CCAR2: variants seen among roughly 807,000 people sequenced by gnomAD.
The protein encoded by CCAR2 is cell cycle and apoptosis regulator protein 2.
A neutral mutation model predicts 108.1 loss-of-function variants in CCAR2; 21 were observed. That is an observed-to-expected ratio of 0.19 (90% CI 0.14 to 0.28). The LOEUF (loss-of-function observed/expected upper bound fraction) is 0.28, where lower values mean the gene tolerates loss of function less well. CCAR2 is among the 10% of genes least tolerant of loss of function. CCAR2 has a pLI of 1.00. For synonymous variants in CCAR2, 577 were observed against 472.8 expected (o/e 1.22, Z -2.86); for missense variants, 1,126 against 1,177.0 (o/e 0.96, Z 0.63).
intron 7 of CCAR2, among the ~76,000 whole-genome samples, chr8:22,611,780 ACT>A (rs555978783): frequency 1.5e-3 from 220 of 151,654 alleles, no homozygotes; most frequent in African/African-American, 5.1e-3. Context: ...TTGGTTTTTT[ACT>A]CTCAGTTTAT....
At chr8:22,619,387 G>T (rs1032440119) in intron 20 of CCAR2, 32 bp downstream of exon 20, 1 of 1,545,886 alleles carries the variant, frequency 6.5e-7, no homozygotes, top group African/African-American at 1.4e-5. Context: ...AGGCAGCACA[G>T]CTCCTTTCCC....
intron 11 of CCAR2, 22 bp from the exon 12 acceptor site, chr8:22,615,403 T>C (rs1215444973): frequency 1.2e-6 from 2 of 1,608,700 alleles, no homozygotes; most frequent in Non-Finnish European, 1.7e-6. Flanking sequence ...AAGAAGTTAG[T>C]ACCTCCTTTT....
chr8:22,607,392 G>A (rs988022077), intron 6 of CCAR2, 67 bp downstream of exon 6: 2 of 1,583,132 alleles, frequency 1.3e-6, no homozygotes, highest in Admixed American at 3.4e-5. Flanking sequence ...GGACTTTCAG[G>A]TTGCTGCTCT....
chr8:22,610,793 T>C (rs942965252), intron 7 of CCAR2, among the ~76,000 whole-genome samples: 4 of 152,208 alleles, frequency 2.6e-5, no homozygotes, highest in Non-Finnish European at 5.9e-5. Context: ...TTCTGGTGAA[T>C]ACAATCAACT....
intron 11 of CCAR2, 33 bp from the exon 12 acceptor site, chr8:22,615,392 A>T (rs773870959): frequency 6.2e-7 from 1 of 1,602,430 alleles, no homozygotes; most frequent in African/African-American, 1.3e-5. Context: ...AGTTGTCACT[A>T]AAGAAGTTAG....
At chr8:22,608,515 T>C (rs1585154458) in intron 7 of CCAR2, among the ~76,000 whole-genome samples, 2 of 152,200 alleles carry the variant, frequency 1.3e-5, no homozygotes, top group Admixed American at 6.5e-5. Context: ...AAGGTGTATA[T>C]TGCACTCTGC....
chr8:22,615,396 A>C (rs200124871), intron 11 of CCAR2, 29 bp from the exon 12 acceptor site: 141 of 1,603,528 alleles, frequency 8.8e-5, no homozygotes, highest in Non-Finnish European at 1.2e-4. Flanking sequence ...GTCACTAAAG[A>C]AGTTAGTACC....
At chr8:22,618,176 G>T in intron 16 of CCAR2, 173 bp from the exon 17 acceptor site, 2 of 796,742 alleles carry the variant, frequency 2.5e-6, no homozygotes, top group Non-Finnish European at 2.1e-6. Context: ...CTGCAGCCTC[G>T]AACTCCTGGG....
At chr8:22,620,720 C>A (rs1217559931), downstream of CCAR2, 1 of 152,230 alleles carries the variant, frequency 6.6e-6, no homozygotes, top group Non-Finnish European at 1.5e-5. Context: ...GTGGACGTTT[C>A]ATTGAAAATT....
In CCAR2 at chr8:22,604,818, C is replaced by CT. The variant is rs1268389164; in HGVS notation, c.-63_-62insT. On this transcript the variant is annotated 5_prime_UTR_variant, in exon 1 of 21. Coordinates refer to ENST00000308511, the MANE Select transcript of CCAR2 (RefSeq NM_001393997.1). ...GGTGGTTCCGGGTGTCTTTGTCCCC[C>CT]CGGTGTCGCTGCCCTGGCCCGCAGG... is the stretch of plus-strand genomic sequence containing the variant. 10 of 455,200 alleles carry CT rather than the reference C, an allele frequency of 2.2e-5. No homozygotes were observed. The highest frequency in any genetic ancestry group is 1.8e-4 in the African/African-American group (9 of 50,150). 28.2% of individuals were successfully genotyped at this position (455,200 alleles called of 1,614,324 possible).
Position 22,614,830 on chromosome 8 carries a change from T to A in CCAR2, c.1042-8T>A. 1 of 1,613,916 alleles carries A rather than the reference T, an allele frequency of 6.2e-7. No individual in the cohort carries two copies. The highest frequency in any genetic ancestry group is 2.2e-5 in the East Asian group (1 of 44,880). On this transcript the variant is annotated splice_polypyrimidine_tract_variant and splice_region_variant and intron_variant, in intron 10 of 20. Transcript: ENST00000308511. ...TTTTTGTTTTGTATCCCTGATCTCTTCTTGCAGTTTTTGCTGGGCAGGAAA... is the reference window on the plus strand; with the variant it reads ...TTTTTGTTTTGTATCCCTGATCTCTACTTGCAGTTTTTGCTGGGCAGGAAA...
Position 22,613,009 on chromosome 8 carries a change from A to C in CCAR2, c.585-8A>C. 6.2e-7 allele frequency: 1 copy of C among 1,611,204 alleles called. No homozygotes were observed. Among genetic ancestry groups the C allele is most frequent in the Non-Finnish European group, 8.5e-7 (1 of 1,178,942 alleles). On this transcript the variant is annotated splice_polypyrimidine_tract_variant and splice_region_variant and intron_variant, in intron 7 of 20. Coordinates refer to ENST00000308511, the MANE Select transcript of CCAR2 (RefSeq NM_001393997.1). Reference sequence around the variant, plus strand: ...GTTTCTTACTGTTGGTGATGGGTCAACCTCTAGTGATGACTATGACTCCAA... The same window carrying C: ...GTTTCTTACTGTTGGTGATGGGTCACCCTCTAGTGATGACTATGACTCCAA...
In CCAR2 at chr8:22,618,931, G is replaced by C. The variant is rs1244809890; in HGVS notation, c.2437G>C (p.Gly813Arg). The change falls in exon 19 of 21, where the codon GGG becomes CGG. Residue 813 changes from glycine (G) to arginine (R), a missense_variant. Transcript: ENST00000308511. ...VSHNGSLINV[G>R]SLLQRAEQQD... ...CCACAATGGCAGCCTGATTAACGTG[G>C]GGAGCCTGCTGCAGCGCGCGGAGCA... 5 of 1,613,802 alleles carry C rather than the reference G, an allele frequency of 3.1e-6. No individual in the cohort carries two copies. The highest frequency in any genetic ancestry group is 4.2e-6 in the Non-Finnish European group (5 of 1,180,048).
intron 13 of CCAR2, 50 bp downstream of exon 13, chr8:22,615,962 G>A (rs1262925822): frequency 2.5e-6 from 4 of 1,612,702 alleles, no homozygotes; most frequent in Middle Eastern, 1.6e-4. Context: ...TTGTGGGCCT[G>A]AAGCAGTCTT....
intron 8 of CCAR2, 48 bp from the exon 9 acceptor site, chr8:22,614,044 A>ATGTT (rs1474669822): frequency 2.6e-6 from 4 of 1,521,090 alleles, no homozygotes; most frequent in East Asian, 2.3e-5. Context: ...TTCATTTCGA[A>ATGTT]TGTTTTAGTC....
intron 20 of CCAR2, 44 bp from the exon 21 acceptor site, chr8:22,619,594 A>C: frequency 1.9e-6 from 3 of 1,549,954 alleles, no homozygotes; most frequent in Non-Finnish European, 2.6e-6. Flanking sequence ...TCCTCAGATC[A>C]CCTTGCCAGG....
chr8:22,617,344 G>C (rs1324752513), intron 14 of CCAR2, 76 bp from the exon 15 acceptor site: 4 of 1,483,956 alleles, frequency 2.7e-6, no homozygotes, highest in East Asian at 4.6e-5. Flanking sequence ...TTGATACTCA[G>C]GTGTCAGCCA....
Position 22,607,012 on chromosome 8 carries a change from G to A in CCAR2, c.345G>A (p.Thr115=), listed in dbSNP as rs1801103209. ...AVPWNAVKVQ[T]LSNQPLLKSP... ...CCTGGAATGCTGTCAAGGTGCAAAC[G>A]CTCTCCAACCAGGTATTCATATCTC... Residue 115 remains threonine (T), a synonymous_variant, in exon 5 of 21, where the codon ACG becomes ACA. Coordinates refer to ENST00000308511, the MANE Select transcript of CCAR2 (RefSeq NM_001393997.1). The A allele has an allele frequency of 1.9e-6, 3 of 1,614,078 alleles. No individual in the cohort carries two copies. Among genetic ancestry groups the A allele is most frequent in the Non-Finnish European group, 1.7e-6 (2 of 1,179,974 alleles).
chr8:22,607,230 A>G lies in CCAR2; in HGVS notation c.392A>G (p.His131Arg). ...AAGTCCCCAGCACCTCCTCTTCTGC[A>G]TGTAGCAGCCCTGGGCCAGAAGCAA... Reference protein sequence around the residue: ...LLKSPAPPLLHVAALGQKQGI... With the variant: ...LLKSPAPPLLRVAALGQKQGI... The change falls in exon 6 of 21, where the codon CAT becomes CGT. Residue 131 changes from histidine to arginine, a missense_variant. His to Arg is a conservative substitution (Grantham distance 29). Coordinates refer to ENST00000308511, the MANE Select transcript of CCAR2 (RefSeq NM_001393997.1). 3.7e-6 allele frequency: 6 copies of G among 1,614,022 alleles called. No individual in the cohort carries two copies. The highest frequency in any genetic ancestry group is 5.1e-6 in the Non-Finnish European group (6 of 1,179,996).
Sources: allele counts gnomAD v4.1 joint callset (sites outside exome capture counted in the v4.1 genomes callset), GRCh38; gene constraint gnomAD v4.1.1; transcripts MANE v1.5; gene names NCBI Gene and HGNC (gene_info 2026-07-23, HGNC 2026-07-21).